Variants in COL28A1 observed in about 807,000 individuals in gnomAD.
The protein encoded by COL28A1 is collagen type XXVIII alpha 1 chain.
In COL28A1, 161 loss-of-function variants were observed where a neutral mutation model predicts 150.2. The observed-to-expected ratio is 1.07, with a 90% CI of 0.94 to 1.22. COL28A1 has a LOEUF of 1.22. Ranked by LOEUF, COL28A1 falls within the 50% of genes most tolerant of loss-of-function variation. The probability of loss-of-function intolerance (pLI) is 0.00; values close to 1 mark genes in which losing one functional copy is unlikely to be tolerated. For missense variants in COL28A1, 1,617 were observed against 1,388.3 expected, an observed-to-expected ratio of 1.16 and a Z score of -2.62; for synonymous variants, 552 against 469.7, an observed-to-expected ratio of 1.18 and a Z score of -2.26.
intron 11 of COL28A1, among the ~76,000 whole-genome samples, chr7:7,503,350 T>G (rs1436006280): frequency 3.3e-5 from 5 of 152,216 alleles, no homozygotes; most frequent in Non-Finnish European, 7.3e-5. Context: ...AATGAGCACT[T>G]AAAACTTTAC....
At chr7:7,431,874 T>C (rs1228459538) in intron 25 of COL28A1, among the ~76,000 whole-genome samples, 1 of 152,048 alleles carries the variant, frequency 6.6e-6, no homozygotes, top group Non-Finnish European at 1.5e-5. Flanking sequence ...GGCGGTAGCA[T>C]TGACAGGATT....
At chr7:7,503,631 A>T (rs1387345154) in intron 11 of COL28A1, among the ~76,000 whole-genome samples, 1 of 152,248 alleles carries the variant, frequency 6.6e-6, no homozygotes, top group Non-Finnish European at 1.5e-5. Flanking sequence ...GCAAGATGAA[A>T]TCATTCCCTG....
intron 6 of COL28A1, 152 bp from the exon 7 acceptor site, chr7:7,517,989 A>C: frequency 5.9e-6 from 1 of 169,082 alleles, no homozygotes; most frequent in Non-Finnish European, 8.2e-6. Context: ...AATCTAGGCA[A>C]AAAAAAAAAA....
chr7:7,338,845 C>CAA, the COL28A1 span, among the ~76,000 whole-genome samples: 3 of 152,132 alleles, frequency 2.0e-5, no homozygotes, highest in Non-Finnish European at 4.4e-5. Context: ...CAGGCTGTGA[C>CAA]AGGGTGATAT....
intron 18 of COL28A1, among the ~76,000 whole-genome samples, chr7:7,451,478 C>A (rs1378929234): frequency 6.6e-6 from 1 of 152,096 alleles, no homozygotes; most frequent in African/African-American, 2.4e-5. Context: ...CCCGCCTTGG[C>A]CTCCCAAAGT....
intron 21 of COL28A1, among the ~76,000 whole-genome samples, chr7:7,438,845 C>T (rs569463818): frequency 1.6e-4 from 25 of 152,306 alleles, no homozygotes; most frequent in African/African-American, 5.8e-4. Flanking sequence ...TTTGTACAGC[C>T]TTGAGCTATG....
intron 11 of COL28A1, among the ~76,000 whole-genome samples, chr7:7,499,764 A>G (rs1372488916): frequency 6.6e-6 from 1 of 152,216 alleles, no homozygotes; most frequent in East Asian, 1.9e-4. Flanking sequence ...CTTCCAACCC[A>G]TAACTGGAAA....
chr7:7,409,523 C>T (rs763408572), intron 27 of COL28A1, among the ~76,000 whole-genome samples: 7 of 152,046 alleles, frequency 4.6e-5, no homozygotes, highest in Non-Finnish European at 7.4e-5. Context: ...ACTACTATAG[C>T]ATGATGAGTA....
intron 25 of COL28A1, among the ~76,000 whole-genome samples, chr7:7,420,509 A>G (rs73348969): frequency 0.066 from 10,011 of 152,276 alleles, 1,125 homozygotes; most frequent in African/African-American, 0.23. Flanking sequence ...TAGAGATGCT[A>G]ATGATGGGAA....
At position 7,471,306 on chromosome 7, in the gene COL28A1, A is replaced by T. The variant is rs141886365; in HGVS notation, c.1302+3295T>A. 1.7e-3 allele frequency among the ~76,000 whole-genome samples: 261 copies of T among 152,224 alleles called. 2 individuals carry two copies. Among genetic ancestry groups the T allele is most frequent in the African/African-American group, 5.8e-3 (242 of 41,558 alleles). On this transcript the variant is annotated intron_variant, in intron 15 of 34. Transcript: ENST00000399429. ...AATTCTACCAGACATTCAAAGAATT[A>T]TCAATCCTATTGACACTATTCCACA...
At chr7:7,472,130 C>G (rs1788485302) in intron 15 of COL28A1, among the ~76,000 whole-genome samples, 1 of 152,138 alleles carries the variant, frequency 6.6e-6, no homozygotes, top group Non-Finnish European at 1.5e-5. Context: ...GATGCCCACT[C>G]TCACCACCCC....
intron 30 of COL28A1, among the ~76,000 whole-genome samples, chr7:7,377,932 G>C (rs1781652128): frequency 6.6e-6 from 1 of 152,032 alleles, no homozygotes; most frequent in South Asian, 2.1e-4. Flanking sequence ...GAAACGATGA[G>C]GGAAAGAAGG....
rs182041436 is a variant in COL28A1 at position 7,382,349 on chromosome 7, G to A, written c.2137-737C>T. On this transcript the variant is annotated intron_variant, in intron 27 of 34. Coordinates refer to ENST00000399429, the MANE Select transcript of COL28A1 (RefSeq NM_001037763.3). ...GAAAAAAAATGTCATTTTAGTAACG[G>A]GGAAAAGAGTATATAACAGCATCCA... is the stretch of plus-strand genomic sequence containing the variant. Among the ~76,000 whole-genome samples the A allele has an allele frequency of 3.3e-5, 5 of 151,876 alleles. No homozygotes were observed. The East Asian group carries it at 9.7e-4, about 29-fold the overall frequency.
intron 18 of COL28A1, among the ~76,000 whole-genome samples, chr7:7,451,337 C>T (rs1348952568): frequency 2.0e-5 from 3 of 151,878 alleles, no homozygotes; most frequent in African/African-American, 4.8e-5. Flanking sequence ...GTGGTTCTCC[C>T]GCCTCAGCCA....
In COL28A1 at chr7:7,373,098, C is replaced by A. The variant is rs763229053; in HGVS notation, c.2808G>T (p.Lys936Asn). 4 of 1,614,150 alleles carry A rather than the reference C, an allele frequency of 2.5e-6. No homozygotes were observed. The East Asian group carries it at 8.9e-5, about 36-fold the overall frequency. ...ATATTTCAAAGTTGGGATCATTTTT[C>A]TTCACCACCCCTATCACAAATATCT... Reference protein sequence around the residue: ...NVEIFVIGVVKKNDPNFEIFH... With the variant: ...NVEIFVIGVVNKNDPNFEIFH... Residue 936 changes from lysine (K) to asparagine (N), a missense_variant, in exon 32 of 35, where the codon AAG becomes AAT. Coordinates refer to ENST00000399429, the MANE Select transcript of COL28A1 (RefSeq NM_001037763.3). This position sits in a 1 kb window ranked among gnomAD's most constrained non-coding sequence, Gnocchi z 4.1.
Position 7,443,649 on chromosome 7 carries a change from T to A in COL28A1, c.1586A>T (p.Glu529Val). The change falls in exon 20 of 35, where the codon GAA becomes GTA. Residue 529 changes from glutamate to valine, a missense_variant. Coordinates refer to ENST00000399429, the MANE Select transcript of COL28A1 (RefSeq NM_001037763.3). ...GCCTCTTGCTCCCGGAAGCCCCGCT[T>A]CTCCCTAGAGAAAATGACACTGATG... Reference protein sequence around the residue: ...GEDGAAGKKGEAGLPGARGPE... With the variant: ...GEDGAAGKKGVAGLPGARGPE... The A allele has an allele frequency of 6.2e-7, 1 of 1,613,982 alleles. No individual in the cohort carries two copies. Among genetic ancestry groups the A allele is most frequent in the Non-Finnish European group, 8.5e-7 (1 of 1,179,994 alleles).
rs34006894 is a variant in COL28A1, at chr7:7,482,757, G to GT, written c.1165-5578dup. Among the ~76,000 whole-genome samples, 700 of 152,156 alleles carry GT rather than the reference G, an allele frequency of 4.6e-3. 5 individuals are homozygous for GT. Among genetic ancestry groups the GT allele is most frequent in the East Asian group, 0.022 (114 of 5,188 alleles). ...ACAGTTAGAAAGACAGGTAATATAC[G>GT]TTTTTTAAGATGAATTTTAAAGGCA... On this transcript the variant is annotated intron_variant, in intron 13 of 34. Coordinates refer to ENST00000399429, the MANE Select transcript of COL28A1 (RefSeq NM_001037763.3).
chr7:7,485,737 G>A (rs1335638290), intron 13 of COL28A1, among the ~76,000 whole-genome samples: 3 of 152,048 alleles, frequency 2.0e-5, no homozygotes, highest in Non-Finnish European at 2.9e-5. Flanking sequence ...TTCCTCTATT[G>A]GATTGCTTTC....
At chr7:7,418,490 T>C (rs1283615326) in intron 26 of COL28A1, among the ~76,000 whole-genome samples, 1 of 152,210 alleles carries the variant, frequency 6.6e-6, no homozygotes, top group Non-Finnish European at 1.5e-5. Context: ...TGGAATAAGA[T>C]TGGAAAATAG....
Sources: allele counts gnomAD v4.1 joint callset (sites outside exome capture counted in the v4.1 genomes callset), GRCh38; gene constraint gnomAD v4.1.1; non-coding constraint Gnocchi (gnomAD v3.1); transcripts MANE v1.5; gene names NCBI Gene and HGNC (gene_info 2026-07-23, HGNC 2026-07-21).